Variants in THSD7B observed in about 807,000 individuals in gnomAD.
THSD7B encodes the protein thrombospondin type 1 domain containing 7B.
In THSD7B, 138 loss-of-function variants were observed where a neutral mutation model predicts 213.6. That is an observed-to-expected ratio of 0.65 (90% CI 0.56 to 0.74). The LOEUF (loss-of-function observed/expected upper bound fraction) is 0.74, where lower values mean the gene tolerates loss of function less well. THSD7B is among the 30% of genes least tolerant of loss of function. The pLI is 0.00. For missense variants in THSD7B, 1,931 were observed against 1,991.5 expected, an observed-to-expected ratio of 0.97 and a Z score of 0.58; for synonymous variants, 742 against 687.0, an observed-to-expected ratio of 1.08 and a Z score of -1.25.
chr2:137,522,619 G>A (rs1318582475), intron 15 of THSD7B, among the ~76,000 whole-genome samples: 1 of 151,862 alleles, frequency 6.6e-6, no homozygotes, highest in Admixed American at 6.6e-5. Flanking sequence ...AGAAACCTTA[G>A]TTGCAGCTCC....
At chr2:137,159,379 G>A (rs1679968098) in intron 5 of THSD7B, among the ~76,000 whole-genome samples, 2 of 151,898 alleles carry the variant, frequency 1.3e-5, no homozygotes, top group Admixed American at 1.3e-4. Context: ...AGTGAGCTAT[G>A]ATGGTACCAC....
Position 137,086,957 on chromosome 2 carries a change from A to G in THSD7B, c.951-7916A>G, listed in dbSNP as rs962478577. ...AGATATGTACAAGGAGGTTCAATAC[A>G]TCATCCTGTGGATTTGCAAGAAATT... On this transcript the variant is annotated intron_variant, in intron 3 of 27. Coordinates refer to ENST00000409968, the MANE Select transcript of THSD7B (RefSeq NM_001316349.2). 3.3e-5 allele frequency among the ~76,000 whole-genome samples: 5 copies of G among 152,354 alleles called. No homozygotes were observed. In the South Asian group the frequency reaches 8.3e-4, roughly 25 times the overall value.
chr2:137,049,772 C>T (rs1687035375), intron 2 of THSD7B, among the ~76,000 whole-genome samples: 1 of 152,168 alleles, frequency 6.6e-6, no homozygotes, highest in Non-Finnish European at 1.5e-5. Flanking sequence ...CAGACAGTCA[C>T]AGAGGCCAAA....
intron 7 of THSD7B, among the ~76,000 whole-genome samples, chr2:137,191,626 C>T (rs10188440): frequency 0.29 from 44,575 of 151,816 alleles, 7,230 homozygotes; most frequent in Non-Finnish European, 0.36. Context: ...GGAGCATACC[C>T]TAGACCATGG....
chr2:137,151,526 TAA>T lies in THSD7B; in HGVS notation c.1370-8676_1370-8675del, dbSNP rs35604618. Among the ~76,000 whole-genome samples, 580 of 147,008 alleles carry T rather than the reference TAA, an allele frequency of 3.9e-3. 4 individuals are homozygous for T. Among genetic ancestry groups the T allele is most frequent in the African/African-American group, 0.013 (518 of 40,144 alleles). ...ACATGTACCCTAGAACTTAAAAGTA[TAA>T]AAAAAAAAAACAGCAACAAAAAGAC... is the stretch of plus-strand genomic sequence containing the variant. On this transcript the variant is annotated intron_variant, in intron 5 of 27. Transcript: ENST00000409968.
At chr2:137,111,989 A>G (rs568624978) in intron 4 of THSD7B, among the ~76,000 whole-genome samples, 2 of 152,316 alleles carry the variant, frequency 1.3e-5, no homozygotes, top group South Asian at 2.1e-4. Flanking sequence ...CTGGTCTTTG[A>G]CATGGGCTTA....
chr2:137,621,938 T>A (rs1573748494), intron 20 of THSD7B, among the ~76,000 whole-genome samples: 2 of 151,994 alleles, frequency 1.3e-5, no homozygotes, highest in Non-Finnish European at 2.9e-5. Flanking sequence ...AGAGATCACA[T>A]CGTGAAAGAG....
intron 12 of THSD7B, among the ~76,000 whole-genome samples, chr2:137,349,449 A>T (rs987022836): frequency 3.3e-5 from 5 of 151,848 alleles, no homozygotes; most frequent in Admixed American, 1.3e-4. Context: ...GTGCATAAAA[A>T]TCCTTAGCAA....
chr2:136,951,113 G>A (rs1298194772), intron 2 of THSD7B, among the ~76,000 whole-genome samples: 1 of 152,136 alleles, frequency 6.6e-6, no homozygotes, highest in Non-Finnish European at 1.5e-5. Context: ...AAGGGCATGA[G>A]GGAGGCCTCA....
chr2:137,242,611 C>G (rs777297002), intron 10 of THSD7B, 39 bp downstream of exon 10: 1 of 1,494,526 alleles, frequency 6.7e-7, no homozygotes, highest in East Asian at 2.3e-5. Context: ...TCTTCCCTAA[C>G]CTGATTGTTT....
At chr2:137,272,460 C>A in intron 10 of THSD7B, 73 bp from the exon 11 acceptor site, 1 of 1,430,384 alleles carries the variant, frequency 7.0e-7, no homozygotes, top group Non-Finnish European at 9.3e-7. Context: ...TCTTTTTTTT[C>A]AATTGCTACC....
chr2:137,607,901 C>T (rs1454830046), intron 17 of THSD7B, among the ~76,000 whole-genome samples: 2 of 152,162 alleles, frequency 1.3e-5, no homozygotes, highest in Admixed American at 1.3e-4. Flanking sequence ...ATTATAAAAT[C>T]TTCACCCAAA....
At chr2:136,939,640 A>G (rs1175590276) in intron 2 of THSD7B, among the ~76,000 whole-genome samples, 4 of 152,090 alleles carry the variant, frequency 2.6e-5, no homozygotes, top group Non-Finnish European at 5.9e-5. Flanking sequence ...TCTCTGACCA[A>G]TGGCAGTAGA....
At chr2:137,169,967 G>T (rs1234592951) in intron 6 of THSD7B, among the ~76,000 whole-genome samples, 2 of 152,150 alleles carry the variant, frequency 1.3e-5, no homozygotes. Context: ...TAGTAGTCAG[G>T]CATTTTAGAG....
chr2:136,887,324 GT>G (rs1161840352), intron 2 of THSD7B, among the ~76,000 whole-genome samples: 1 of 151,380 alleles, frequency 6.6e-6, no homozygotes, highest in African/African-American at 2.4e-5. Context: ...GTGTGTGTGT[GT>G]GTGTGACAGG....
chr2:137,379,833 C>T (rs1373962212), intron 12 of THSD7B, among the ~76,000 whole-genome samples: 2 of 152,214 alleles, frequency 1.3e-5, no homozygotes, highest in Non-Finnish European at 2.9e-5. Flanking sequence ...TGTCCACCTT[C>T]CCTGTTCCTC....
intron 2 of THSD7B, among the ~76,000 whole-genome samples, chr2:136,947,230 C>T (rs1224771783): frequency 6.6e-6 from 1 of 152,054 alleles, no homozygotes; most frequent in African/African-American, 2.4e-5. Flanking sequence ...CTTGTGTTTT[C>T]AGCTATTCCA....
intron 20 of THSD7B, among the ~76,000 whole-genome samples, chr2:137,626,337 G>A (rs1168641116): frequency 2.0e-5 from 3 of 151,924 alleles, no homozygotes; most frequent in African/African-American, 4.8e-5. Flanking sequence ...CGTGGCGGGC[G>A]CCTGTAGTCC....
intron 24 of THSD7B, among the ~76,000 whole-genome samples, chr2:137,658,478 T>C (rs1683280472): frequency 6.6e-6 from 1 of 152,244 alleles, no homozygotes; most frequent in Non-Finnish European, 1.5e-5. Context: ...AAATATGTTC[T>C]ATAACCTATG....
Sources: allele counts gnomAD v4.1 joint callset (sites outside exome capture counted in the v4.1 genomes callset), GRCh38; gene constraint gnomAD v4.1.1; transcripts MANE v1.5; gene names NCBI Gene and HGNC (gene_info 2026-07-23, HGNC 2026-07-21).